Variants in TMCO4 observed in about 807,000 individuals in gnomAD.
TMCO4 encodes the protein transmembrane and coiled-coil domain-containing protein 4.
A neutral mutation model predicts 64.7 loss-of-function variants in TMCO4; 58 were observed. The ratio of observed to expected loss-of-function variants is 0.90; its 90% CI spans 0.73 to 1.12. The LOEUF (loss-of-function observed/expected upper bound fraction) is 1.12. Among genes scored for constraint, TMCO4 ranks in the 50% most tolerant of loss-of-function variants. The probability of loss-of-function intolerance (pLI) is 0.00; values close to 1 mark genes in which losing one functional copy is unlikely to be tolerated. For synonymous variants in TMCO4, 325 were observed against 346.1 expected, an observed-to-expected ratio of 0.94 and a Z score of 0.68; for missense variants, 780 against 825.9, an observed-to-expected ratio of 0.94 and a Z score of 0.68.
At position 19,732,691 on chromosome 1, in the gene TMCO4, G is replaced by C. The variant is rs1375551012; in HGVS notation, c.1264+4681C>G. On this transcript the variant is annotated intron_variant, in intron 13 of 15. Transcript: ENST00000294543. The surrounding 1 kb of genome is among the most constrained non-coding windows in gnomAD (Gnocchi z 4.8). ...GGATTGCTTGAGACCAGGAGTTCGAGACCAGCCTCGGCAACACAGGGAGAC... is the reference window on the plus strand; with the variant it reads ...GGATTGCTTGAGACCAGGAGTTCGACACCAGCCTCGGCAACACAGGGAGAC... Among the ~76,000 whole-genome samples the C allele has an allele frequency of 6.6e-6, 1 of 151,656 alleles. No individual in the cohort carries two copies. Among genetic ancestry groups the C allele is most frequent in the East Asian group, 2.0e-4 (1 of 5,014 alleles).
At chr1:19,686,018 C>A (rs1357253699) in intron 15 of TMCO4, among the ~76,000 whole-genome samples, 1 of 152,078 alleles carries the variant, frequency 6.6e-6, no homozygotes, top group Non-Finnish European at 1.5e-5. Context: ...TGAGCCACTG[C>A]GCCCGGCCAT....
intron 13 of TMCO4, among the ~76,000 whole-genome samples, chr1:19,727,367 GACTGAT>G (rs1384375456): frequency 6.6e-6 from 1 of 152,182 alleles, no homozygotes; most frequent in Non-Finnish European, 1.5e-5. Context: ...TCCGTGGGAT[GACTGAT>G]GTACACCACT....
chr1:19,734,544 T>C lies in TMCO4; in HGVS notation c.1264+2828A>G, dbSNP rs989488934. Among the ~76,000 whole-genome samples, 1 of 152,134 alleles carries C rather than the reference T, an allele frequency of 6.6e-6. No homozygotes were observed. Among genetic ancestry groups the C allele is most frequent in the Non-Finnish European group, 1.5e-5 (1 of 68,012 alleles). On this transcript the variant is annotated intron_variant, in intron 13 of 15. Coordinates refer to ENST00000294543, the MANE Select transcript of TMCO4 (RefSeq NM_181719.7). This position sits in a 1 kb window ranked among gnomAD's most constrained non-coding sequence, Gnocchi z 4.4. ...GTTGAACCAGTTGTTTCCAACTCCT[T>C]AGCCTGGCACAGTGCCAGGCTCCCA...
intron 6 of TMCO4, among the ~76,000 whole-genome samples, chr1:19,762,523 AG>A (rs757838969): frequency 5.3e-5 from 8 of 152,226 alleles, no homozygotes; most frequent in Non-Finnish European, 8.8e-5. Flanking sequence ...GTCCAGAGCC[AG>A]GCTGTGTGTT....
At chr1:19,789,641 G>A (rs2043926889) in intron 2 of TMCO4, among the ~76,000 whole-genome samples, 1 of 152,160 alleles carries the variant, frequency 6.6e-6, no homozygotes, top group Non-Finnish European at 1.5e-5. Flanking sequence ...TCTGCCTCTT[G>A]ATCCTTAGAA....
intron 13 of TMCO4, among the ~76,000 whole-genome samples, chr1:19,712,360 C>A (rs779014132): frequency 6.6e-6 from 1 of 152,120 alleles, no homozygotes; most frequent in East Asian, 1.9e-4. Context: ...GTGGCTCTCA[C>A]CTGTAATCCC....
chr1:19,713,252 GT>G (rs1375247512), intron 13 of TMCO4, among the ~76,000 whole-genome samples: 3 of 152,106 alleles, frequency 2.0e-5, no homozygotes, highest in Non-Finnish European at 4.4e-5. Flanking sequence ...AATTATGGCC[GT>G]TTTTTGCCAT....
At chr1:19,755,861 G>T in intron 6 of TMCO4, 95 bp from the exon 7 acceptor site, 2 of 1,460,912 alleles carry the variant, frequency 1.4e-6, no homozygotes, top group Non-Finnish European at 1.9e-6. Context: ...ACTAGAAACA[G>T]CCTAAATGTA....
chr1:19,692,716 C>T (rs1013932059), intron 15 of TMCO4, among the ~76,000 whole-genome samples: 1 of 151,872 alleles, frequency 6.6e-6, no homozygotes, highest in Non-Finnish European at 1.5e-5. Context: ...CATTGCACTC[C>T]AGACTGGGCA....
At chr1:19,698,344 CCTGAG>C (rs1377546992) in intron 14 of TMCO4, among the ~76,000 whole-genome samples, 1 of 152,166 alleles carries the variant, frequency 6.6e-6, no homozygotes, top group Non-Finnish European at 1.5e-5. Context: ...GTGAGACAGG[CCTGAG>C]CTCATATCCT....
At chr1:19,783,239 A>G (rs2043575785) in intron 3 of TMCO4, among the ~76,000 whole-genome samples, 2 of 152,206 alleles carry the variant, frequency 1.3e-5, no homozygotes, top group Non-Finnish European at 2.9e-5. Flanking sequence ...TCAGTTTGCA[A>G]ATTAGGAAAC....
chr1:19,789,431 C>A (rs6684957), intron 2 of TMCO4, among the ~76,000 whole-genome samples: 1 of 151,996 alleles, frequency 6.6e-6, no homozygotes, highest in African/African-American at 2.4e-5. Flanking sequence ...AAATAAATAA[C>A]AAAACATCTT....
intron 2 of TMCO4, among the ~76,000 whole-genome samples, chr1:19,789,968 A>C (rs1467898110): frequency 2.0e-5 from 3 of 150,334 alleles, no homozygotes; most frequent in African/African-American, 7.4e-5. Context: ...TGGGAGAATC[A>C]CTTGAGTCTT....
intron 15 of TMCO4, among the ~76,000 whole-genome samples, chr1:19,692,734 T>G (rs1442139740): frequency 6.8e-6 from 1 of 147,504 alleles, no homozygotes; most frequent in Non-Finnish European, 1.5e-5. Flanking sequence ...GCAACAGGAG[T>G]GAAACTCCAC....
At chr1:19,685,714 T>TTTTTTTG (rs2095142998) in intron 15 of TMCO4, among the ~76,000 whole-genome samples, 1 of 89,442 alleles carries the variant, frequency 1.1e-5, no homozygotes, top group Non-Finnish European at 2.3e-5. Context: ...CTGTTTCTTT[T>TTTTTTTG]TTTTTTTTTT....
At chr1:19,779,657 G>A (rs2043366915) in intron 4 of TMCO4, among the ~76,000 whole-genome samples, 1 of 152,148 alleles carries the variant, frequency 6.6e-6, no homozygotes. Context: ...TCAGCCACCT[G>A]GGCACCCCTA....
At chr1:19,772,164 G>A (rs182448696) in intron 4 of TMCO4, among the ~76,000 whole-genome samples, 6 of 152,290 alleles carry the variant, frequency 3.9e-5, no homozygotes, top group East Asian at 3.9e-4. Context: ...CTCTAGAGCC[G>A]TGTGGTACCC....
intron 12 of TMCO4, among the ~76,000 whole-genome samples, chr1:19,738,590 T>G (rs1012349138): frequency 6.6e-6 from 1 of 152,248 alleles, no homozygotes; most frequent in Non-Finnish European, 1.5e-5. Context: ...GACTCTTACT[T>G]GGGAGAGAAC....
At chr1:19,797,452 G>T (rs2044362141) in intron 2 of TMCO4, among the ~76,000 whole-genome samples, 1 of 152,096 alleles carries the variant, frequency 6.6e-6, no homozygotes, top group Non-Finnish European at 1.5e-5. Context: ...AGGGAGGGGT[G>T]GCATGCCTGG....
Sources: gnomAD v4.1 joint callset for allele counts (sites outside exome capture counted in the v4.1 genomes callset) on GRCh38, gnomAD v4.1.1 for gene constraint, Gnocchi (gnomAD v3.1) non-coding constraint, MANE v1.5 for transcripts, NCBI Gene and HGNC (gene_info 2026-07-23, HGNC 2026-07-21) for gene names.